The following SNRPN variants were observed in gnomAD, a reference collection of about 807,000 sequenced individuals.
SNRPN encodes small nuclear ribonucleoprotein-associated protein N.
In SNRPN, 7 loss-of-function variants were observed where a neutral mutation model predicts 25.2. The observed-to-expected ratio is 0.28, with a 90% CI of 0.16 to 0.52. The LOEUF is 0.52. Among genes scored for constraint, SNRPN ranks in the 20% least tolerant of loss-of-function variants. SNRPN has a pLI of 0.96. For synonymous variants in SNRPN, 124 were observed against 110.6 expected (o/e 1.12, Z -0.76); for missense variants, 196 against 322.5 (o/e 0.61, Z 3.00).
upstream of SNRPN, among the ~76,000 whole-genome samples, chr15:24,950,336 C>G (rs2062163638): frequency 6.6e-6 from 1 of 150,720 alleles, no homozygotes; most frequent in African/African-American, 2.4e-5. Context: ...GCCCTCACAC[C>G]CGGCTAATTT....
At chr15:24,851,868 A>G (rs916983171), upstream of SNRPN, 6 of 152,290 alleles carry the variant, frequency 3.9e-5, no homozygotes, top group Admixed American at 1.3e-4. Flanking sequence ...CCCTTTCTCC[A>G]TCACTGAGAC....
intron 3 of SNRPN, among the ~76,000 whole-genome samples, chr15:24,972,180 C>T (rs917393997): frequency 1.3e-5 from 2 of 149,544 alleles, no homozygotes; most frequent in East Asian, 2.0e-4. Context: ...CACTTGAACC[C>T]GGGAAGTGGA....
At chr15:24,910,203 C>T (rs1232078389) in intron 2 of SNRPN, among the ~76,000 whole-genome samples, 3 of 152,082 alleles carry the variant, frequency 2.0e-5, no homozygotes, top group Non-Finnish European at 4.4e-5. Flanking sequence ...AATGTAAGAG[C>T]GATGAACTAG....
At chr15:24,887,302 C>T (rs1001988841) in intron 2 of SNRPN, among the ~76,000 whole-genome samples, 3 of 152,010 alleles carry the variant, frequency 2.0e-5, no homozygotes, top group African/African-American at 7.2e-5. Flanking sequence ...CATGCGCCAC[C>T]ATGCCTGGCT....
At chr15:24,882,823 C>CAAAAAAAAAAAAAAAAAAAAA (rs10543501) in intron 1 of SNRPN, among the ~76,000 whole-genome samples, 19 of 127,046 alleles carry the variant, frequency 1.5e-4, no homozygotes, top group East Asian at 4.7e-4. Context: ...GACTCCATCT[C>CAAAAAAAAAAAAAAAAAAAAA]AAAAAAAAAA....
chr15:24,829,451 G>A (rs1322203745), intron 1 of SNRPN, among the ~76,000 whole-genome samples: 3 of 152,112 alleles, frequency 2.0e-5, no homozygotes, highest in Non-Finnish European at 4.4e-5. Context: ...AGGGTGGTGG[G>A]TTGGAAGGAC....
Position 24,929,652 on chromosome 15 carries a change from G to GCTGCCACA in SNRPN, c.-391+9530_-391+9537dup, listed in dbSNP as rs1294027699. 4.9e-4 allele frequency among the ~76,000 whole-genome samples: 74 copies of GCTGCCACA among 152,084 alleles called. No homozygotes were observed. Among genetic ancestry groups the GCTGCCACA allele is most frequent in the African/African-American group, 1.8e-3 (73 of 41,488 alleles). ...TGAGACCCAGCCAACTCTCTATGGGGCTGCCACACGACTTCCTAAAAAGGC... is the reference window on the plus strand; with the variant it reads ...TGAGACCCAGCCAACTCTCTATGGGGCTGCCACACTGCCACACGACTTCCTAAAAAGGC... On this transcript the variant is annotated intron_variant, in intron 3 of 11. Coordinates refer to the SNRPN transcript ENST00000400097. This position sits in a 1 kb window ranked among gnomAD's most constrained non-coding sequence, Gnocchi z 5.3.
At chr15:24,884,320 C>T (rs1021546888) in intron 1 of SNRPN, among the ~76,000 whole-genome samples, 1 of 152,124 alleles carries the variant, frequency 6.6e-6, no homozygotes, top group South Asian at 2.1e-4. Context: ...GGTGAAAGAG[C>T]GAGACCCTGT....
upstream of SNRPN, among the ~76,000 whole-genome samples, chr15:24,852,686 G>A (rs1306851905): frequency 1.3e-5 from 2 of 152,306 alleles, no homozygotes; most frequent in African/African-American, 2.4e-5. Flanking sequence ...GGAGGTGAAG[G>A]TGGGCAGATT....
chr15:24,966,889 C>T (rs781120601), intron 2 of SNRPN: 3 of 152,158 alleles, frequency 2.0e-5, no homozygotes, highest in Non-Finnish European at 4.4e-5. Flanking sequence ...TCTTCCTTCT[C>T]ATCATCAGAT....
At chr15:24,833,833 G>A (rs1332739089) in intron 2 of SNRPN, among the ~76,000 whole-genome samples, 2 of 152,124 alleles carry the variant, frequency 1.3e-5, no homozygotes, top group Non-Finnish European at 2.9e-5. Context: ...CAGACGGTAG[G>A]TGTGTCTGGG....
At chr15:24,849,986 T>C (rs1263325338) in intron 2 of SNRPN, 1 of 152,196 alleles carries the variant, frequency 6.6e-6, no homozygotes, top group Non-Finnish European at 1.5e-5. Context: ...TTTTCCAAAT[T>C]AGATTTTGAT....
At chr15:24,931,312 G>A (rs928175154) in intron 3 of SNRPN, among the ~76,000 whole-genome samples, 1 of 152,114 alleles carries the variant, frequency 6.6e-6, no homozygotes, top group African/African-American at 2.4e-5. Context: ...AAAAACAAAA[G>A]CTGGGTATTA....
chr15:24,837,073 A>T (rs537359695), intron 2 of SNRPN, among the ~76,000 whole-genome samples: 55 of 152,140 alleles, frequency 3.6e-4, no homozygotes, highest in African/African-American at 1.3e-3. Context: ...ACATTGGGGT[A>T]GTATTTCCTG....
chr15:24,951,471 TA>T (rs908829758), upstream of SNRPN, among the ~76,000 whole-genome samples: 4 of 150,564 alleles, frequency 2.7e-5, no homozygotes, highest in East Asian at 1.9e-4. Flanking sequence ...CTTTGCCCAT[TA>T]AAAAAAAATG....
intron 3 of SNRPN, among the ~76,000 whole-genome samples, chr15:24,922,890 CTTTT>C (rs71412618): frequency 3.7e-4 from 25 of 68,176 alleles, no homozygotes; most frequent in African/African-American, 1.3e-3. Flanking sequence ...TAGGCAGATC[CTTTT>C]TTTTTTTTTT....
chr15:24,917,589 G>A (rs995517258), intron 2 of SNRPN, among the ~76,000 whole-genome samples: 2 of 152,162 alleles, frequency 1.3e-5, no homozygotes, highest in African/African-American at 2.4e-5. Context: ...TCATTTCAAC[G>A]CGGCCTGGGG....
At chr15:24,893,584 C>T (rs2057849120) in intron 2 of SNRPN, among the ~76,000 whole-genome samples, 1 of 152,132 alleles carries the variant, frequency 6.6e-6, no homozygotes, top group Non-Finnish European at 1.5e-5. Context: ...TGCCACTACA[C>T]TCCAGCCTGG....
intron 2 of SNRPN, among the ~76,000 whole-genome samples, chr15:24,842,654 C>T (rs1312136725): frequency 6.6e-6 from 1 of 152,130 alleles, no homozygotes; most frequent in African/African-American, 2.4e-5. Context: ...CTGGACAGTC[C>T]CTCCCTAACT....
Sources: gnomAD v4.1 joint callset for allele counts (sites outside exome capture counted in the v4.1 genomes callset) on GRCh38, gnomAD v4.1.1 for gene constraint, Gnocchi (gnomAD v3.1) non-coding constraint, MANE v1.5 for transcripts, NCBI Gene and HGNC (gene_info 2026-07-23, HGNC 2026-07-21) for gene names.